The following CSHL1 variants were observed in gnomAD, a reference collection of about 807,000 sequenced individuals.
The protein encoded by CSHL1 is chorionic somatomammotropin hormone-like 1.
Under a neutral mutation model 24.3 loss-of-function variants are expected in CSHL1, and 25 were observed. The observed-to-expected ratio is 1.03, with a 90% CI of 0.75 to 1.44. The LOEUF (loss-of-function observed/expected upper bound fraction) is 1.44, where lower values mean the gene tolerates loss of function less well. Among genes scored for constraint, CSHL1 ranks in the 40% most tolerant of loss-of-function variants. CSHL1 has a pLI of 0.00. For synonymous variants in CSHL1, 157 were observed against 115.6 expected (o/e 1.36, Z -2.30); for missense variants, 342 against 279.3 (o/e 1.22, Z -1.60).
chr17:63,909,799 A>G lies in CSHL1; in HGVS notation c.581T>C (p.Leu194Pro), dbSNP rs371493320. Residue 194 changes from leucine to proline, a missense_variant, in exon 5 of 5, where the codon CTC becomes CCC. By Grantham distance (98) the Leu-to-Pro change is moderately conservative. Coordinates refer to ENST00000309894, the MANE Select transcript of CSHL1 (RefSeq NM_022579.3). ...HDALLKNYGL[L>P]HCFRKDMDKV... ...GTCCATGTCCTTCCTGAAGCAGTGG[A>G]GCAGCCCGTAGTTCTTGAGCAGTGC... The G allele has an allele frequency of 6.2e-7, 1 of 1,613,858 alleles. No homozygotes were observed. Among genetic ancestry groups the G allele is most frequent in the African/African-American group, 1.3e-5 (1 of 74,882 alleles).
chr17:63,909,967 C>T (rs780909565), intron 4 of CSHL1, 59 bp from the exon 5 acceptor site: 3 of 1,614,022 alleles, frequency 1.9e-6, no homozygotes, highest in African/African-American at 1.3e-5. Context: ...CCCTCCCTCT[C>T]TCATTTATCC....
rs1906876427 is a variant in CSHL1 at position 63,910,544 on chromosome 17, G to C, written c.191-9C>G. ...CTTTGTGATATAGGCTTCTTCCTAG[G>C]GGAAGGACCCCCCACCAAGAAGGAC... On this transcript the variant is annotated splice_polypyrimidine_tract_variant and intron_variant, in intron 2 of 4. Transcript: ENST00000309894. 6.2e-7 allele frequency: 1 copy of C among 1,614,128 alleles called. No homozygotes were observed. Among genetic ancestry groups the C allele is most frequent in the Non-Finnish European group, 8.5e-7 (1 of 1,180,030 alleles).
rs372164601 is a variant in CSHL1, at chr17:63,911,246, G to T, written c.-50C>A. On this transcript the variant is annotated 5_prime_UTR_variant, in exon 1 of 5. Transcript: ENST00000309894. ...GACCCTGAGTGGTGCGGGGAGTCGG[G>T]CCTTGGGATGCTGGAGCTGGTCTCT... 3.1e-6 allele frequency: 5 copies of T among 1,613,860 alleles called. No homozygotes were observed. In the African/African-American group the frequency reaches 6.7e-5, roughly 22 times the overall value.
At position 63,910,276 on chromosome 17, in the gene CSHL1, C is replaced by T. The variant is rs1406585421; in HGVS notation, c.357G>A (p.Glu119=). The change falls in exon 4 of 5, where the codon GAG becomes GAA. Residue 119 remains glutamate (E), a synonymous_variant. Transcript: ENST00000309894. ...AGGTACTCCTGAGGAACCGCACGGG[C>T]TCCAGCCGCGACTCGATGAGCAGCA... ...ISLLLIESRL[E]PVRFLRSTFT... is the part of the protein sequence containing the mutation. 8.1e-6 allele frequency: 13 copies of T among 1,614,004 alleles called. No individual in the cohort carries two copies. The highest frequency in any genetic ancestry group is 1.3e-5 in the African/African-American group (1 of 74,918).
At chr17:63,910,049 G>C in intron 4 of CSHL1, 113 bp downstream of exon 4, 1 of 1,614,120 alleles carries the variant, frequency 6.2e-7, no homozygotes. Flanking sequence ...AGAATAAGGT[G>C]AGTTCTCTTG....
Position 63,909,773 on chromosome 17 carries a change from T to C in CSHL1, c.607A>G (p.Lys203Glu). ...LLHCFRKDMD[K>E]VETFLRMVQC... is the part of the protein sequence containing the mutation. Reference sequence around the variant, plus strand: ...ACCATGCGCAGGAATGTCTCGACCTTGTCCATGTCCTTCCTGAAGCAGTGG... The same window carrying C: ...ACCATGCGCAGGAATGTCTCGACCTCGTCCATGTCCTTCCTGAAGCAGTGG... Residue 203 changes from lysine (K) to glutamate (E), a missense_variant, in exon 5 of 5, where the codon AAG becomes GAG. By Grantham distance (56) the Lys-to-Glu change is moderately conservative. Transcript: ENST00000309894. 6.2e-7 allele frequency: 1 copy of C among 1,614,080 alleles called. No individual in the cohort carries two copies. Among genetic ancestry groups the C allele is most frequent in the Non-Finnish European group, 8.5e-7 (1 of 1,179,978 alleles).
At position 63,910,847 on chromosome 17, in the gene CSHL1, C is replaced by G. The variant is rs751501369; in HGVS notation, c.88G>C (p.Val30Leu). ...WLQEAGAVQT[V>L]PLSRLFKEAM... Reference sequence around the variant, plus strand: ...TCTTTAAAAAGCCTGGATAAGGGAACGGTTTGGACGGCACCAGCCTCTTGA... The same window carrying G: ...TCTTTAAAAAGCCTGGATAAGGGAAGGGTTTGGACGGCACCAGCCTCTTGA... Residue 30 changes from valine to leucine, a missense_variant, in exon 2 of 5, where the codon GTT becomes CTT. By Grantham distance (32) the Val-to-Leu change is conservative. Transcript: ENST00000309894. 1 of 1,614,136 alleles carries G rather than the reference C, an allele frequency of 6.2e-7. No homozygotes were observed. The highest frequency in any genetic ancestry group is 8.5e-7 in the Non-Finnish European group (1 of 1,180,018).
At chr17:63,910,699 C>T (rs751624568) in intron 2 of CSHL1, 46 bp downstream of exon 2, 3 of 1,614,224 alleles carry the variant, frequency 1.9e-6, no homozygotes, top group Admixed American at 3.3e-5. Flanking sequence ...CCCATTACTT[C>T]CCCAGTGGGG....
rs759100424 is a variant in CSHL1 at position 63,910,592 on chromosome 17, C to G, written c.191-57G>C. ...GACCACTGCTTTCTATGCTGGAGAC[C>G]AGCTCCCACTGTTACTCTTCTGGGA... On this transcript the variant is annotated intron_variant, in intron 2 of 4. Transcript: ENST00000309894. 1.7e-5 allele frequency: 27 copies of G among 1,613,998 alleles called. 1 individual carries two copies. The South Asian group carries it at 3.0e-4, about 18-fold the overall frequency.
Position 63,910,555 on chromosome 17 carries a change from C to A in CSHL1, c.191-20G>T. 6.2e-7 allele frequency: 1 copy of A among 1,614,152 alleles called. No homozygotes were observed. The highest frequency in any genetic ancestry group is 2.2e-5 in the East Asian group (1 of 44,880). ...AGGCTTCTTCCTAGGGGAAGGACCC[C>A]CCACCAAGAAGGACCACTGCTTTCT... On this transcript the variant is annotated intron_variant, in intron 2 of 4. Transcript: ENST00000309894.
Position 63,910,906 on chromosome 17 carries a change from A to C in CSHL1, c.29T>G (p.Leu10Arg). MAAGSRTSL[L>R]LAFALLCLPW... Reference sequence around the variant, plus strand: ...CAGGCAGAGCAGGGCAAAAGCCAGGAGCAGGGACGTCCGGGAGCCTGGGGA... The same window carrying C: ...CAGGCAGAGCAGGGCAAAAGCCAGGCGCAGGGACGTCCGGGAGCCTGGGGA... The change falls in exon 2 of 5, where the codon CTC becomes CGC. Residue 10 changes from leucine to arginine, a missense_variant. Coordinates refer to ENST00000309894, the MANE Select transcript of CSHL1 (RefSeq NM_022579.3). 6.2e-7 allele frequency: 1 copy of C among 1,614,008 alleles called. No homozygotes were observed. Among genetic ancestry groups the C allele is most frequent in the South Asian group, 1.1e-5 (1 of 91,084 alleles).
chr17:63,910,124 G>C lies in CSHL1; in HGVS notation c.471+38C>G, dbSNP rs929383964. 4.3e-6 allele frequency: 7 copies of C among 1,614,058 alleles called. No individual in the cohort carries two copies. The African/African-American group carries it at 9.3e-5, about 22-fold the overall frequency. ...CTCTCCCCCAGCCCTCGAAGCCAGT[G>C]GGCTTCCAGGATTGGGGACCCCTGG... On this transcript the variant is annotated intron_variant, in intron 4 of 4. Coordinates refer to ENST00000309894, the MANE Select transcript of CSHL1 (RefSeq NM_022579.3).
intron 2 of CSHL1, 103 bp downstream of exon 2, chr17:63,910,642 G>A (rs749047838): frequency 1.2e-6 from 2 of 1,613,994 alleles, no homozygotes; most frequent in South Asian, 1.1e-5. Flanking sequence ...ATGCTCATCT[G>A]CCTGCATTTT....
In CSHL1 at chr17:63,911,232, G is replaced by T; in HGVS notation, c.-36C>A. On this transcript the variant is annotated 5_prime_UTR_variant, in exon 1 of 5. Coordinates refer to ENST00000309894, the MANE Select transcript of CSHL1 (RefSeq NM_022579.3). ...TGAGCTGTCCACAGGACCCTGAGTG[G>T]TGCGGGGAGTCGGGCCTTGGGATGC... is the stretch of plus-strand genomic sequence containing the variant. The T allele has an allele frequency of 6.2e-7, 1 of 1,614,002 alleles. No individual in the cohort carries two copies. The highest frequency in any genetic ancestry group is 8.5e-7 in the Non-Finnish European group (1 of 1,179,874).
Position 63,910,734 on chromosome 17 carries a change from C to T in CSHL1, c.190+11G>A, listed in dbSNP as rs529588265. The T allele has an allele frequency of 3.1e-6, 5 of 1,614,244 alleles. No homozygotes were observed. Among genetic ancestry groups the T allele is most frequent in the South Asian group, 2.2e-5 (2 of 91,088 alleles). On this transcript the variant is annotated intron_variant, in intron 2 of 4. Transcript: ENST00000309894. Reference sequence around the variant, plus strand: ...GGAAAGTCACCCCTTCTTGCCACCCCTGACCCGCACCCATTCCCCAAGAGC... The same window carrying T: ...GGAAAGTCACCCCTTCTTGCCACCCTTGACCCGCACCCATTCCCCAAGAGC...
chr17:63,911,175 A>G lies in CSHL1; in HGVS notation c.10+12T>C. ...GACACGTTGTGCCCAAAGGGATTTT[A>G]GGGGCGCTTACCTGCAGCCATTGCC... On this transcript the variant is annotated intron_variant, in intron 1 of 4. Coordinates refer to ENST00000309894, the MANE Select transcript of CSHL1 (RefSeq NM_022579.3). 6.2e-7 allele frequency: 1 copy of G among 1,613,690 alleles called. No individual in the cohort carries two copies. Among genetic ancestry groups the G allele is most frequent in the Admixed American group, 1.7e-5 (1 of 60,020 alleles).
In CSHL1 at chr17:63,910,414, A is replaced by G; in HGVS notation, c.306+6T>C. The stretch of plus-strand genomic sequence containing the variant: ...TCCCCGCCTAGGGGAGACAGCATCC[A>G]CTCACGGATTTCTGCTGCGTTTCCT... On this transcript the variant is annotated splice_donor_region_variant and intron_variant, in intron 3 of 4. Transcript: ENST00000309894. The G allele has an allele frequency of 1.2e-6, 2 of 1,614,122 alleles. No individual in the cohort carries two copies. The highest frequency in any genetic ancestry group is 1.7e-6 in the Non-Finnish European group (2 of 1,180,004).
In CSHL1 at chr17:63,910,342, C is replaced by A; in HGVS notation, c.307-16G>T. ...GCTCTAAGTTCTGCAGGGGAAGGAC[C>A]GGCAGTGGCTGTGCTGCCCGGGGGC... On this transcript the variant is annotated splice_polypyrimidine_tract_variant and intron_variant, in intron 3 of 4. Transcript: ENST00000309894. 2 of 1,614,126 alleles carry A rather than the reference C, an allele frequency of 1.2e-6. No individual in the cohort carries two copies. The highest frequency in any genetic ancestry group is 8.5e-7 in the Non-Finnish European group (1 of 1,180,012).
At chr17:63,911,142 C>A (rs552944048) in intron 1 of CSHL1, 45 bp downstream of exon 1, 2 of 1,613,004 alleles carry the variant, frequency 1.2e-6, no homozygotes, top group South Asian at 1.1e-5. Context: ...CGCCGCCTCT[C>A]CCCTCAGGAC....
Sources: allele counts gnomAD v4.1 joint callset, GRCh38; gene constraint gnomAD v4.1.1; transcripts MANE v1.5; gene names NCBI Gene and HGNC (gene_info 2026-07-23, HGNC 2026-07-21).